The following CPQ variants were observed in gnomAD, a reference collection of about 807,000 sequenced individuals.
CPQ encodes the protein carboxypeptidase Q.
CPQ carries 37 observed loss-of-function variants against 45.7 expected under a neutral mutation model. The ratio of observed to expected loss-of-function variants is 0.81; its 90% CI spans 0.62 to 1.07. CPQ has a LOEUF of 1.07. Among genes scored for constraint, CPQ ranks in the 50% least tolerant of loss-of-function variants. CPQ has a pLI of 0.00. For missense variants in CPQ, 537 were observed against 572.9 expected (o/e 0.94, Z 0.64); for synonymous variants, 186 against 205.8 (o/e 0.90, Z 0.82).
At chr8:96,669,515 A>G (rs770072998) in intron 1 of CPQ, among the ~76,000 whole-genome samples, 2 of 152,230 alleles carry the variant, frequency 1.3e-5, no homozygotes, top group Non-Finnish European at 2.9e-5. Context: ...GTCTCATAAC[A>G]TAATATAAAT....
intron 2 of CPQ, among the ~76,000 whole-genome samples, chr8:96,813,823 G>A (rs1486683609): frequency 6.6e-6 from 1 of 152,072 alleles, no homozygotes; most frequent in Non-Finnish European, 1.5e-5. Flanking sequence ...GCCCTGGGTA[G>A]GGCAGAGCCT....
At chr8:96,943,833 C>G (rs1055863763) in intron 4 of CPQ, among the ~76,000 whole-genome samples, 19 of 152,216 alleles carry the variant, frequency 1.2e-4, no homozygotes, top group African/African-American at 4.3e-4. Context: ...TTCCAGGACT[C>G]TTATCGTCAC....
intron 2 of CPQ, among the ~76,000 whole-genome samples, chr8:96,790,270 C>A (rs935877425): frequency 6.6e-6 from 1 of 152,236 alleles, no homozygotes; most frequent in East Asian, 1.9e-4. Context: ...GTGGCACCTC[C>A]CAGTGTCACC....
intron 7 of CPQ, among the ~76,000 whole-genome samples, chr8:97,080,907 CCCTTCTTTCCTTCCTTCCTT>C (rs148825751): frequency 5.7e-5 from 8 of 139,646 alleles, no homozygotes; most frequent in African/African-American, 1.6e-4. Flanking sequence ...TTAGTACCCA[CCCTTCTTTCCTTCCTTCCTT>C]CCTTCTTTCC....
At chr8:96,950,345 T>C (rs1194130181) in intron 4 of CPQ, among the ~76,000 whole-genome samples, 1 of 152,266 alleles carries the variant, frequency 6.6e-6, no homozygotes, top group African/African-American at 2.4e-5. Flanking sequence ...TTCTGAATCA[T>C]ATTTTATTAC....
At chr8:97,118,739 T>C (rs1367435846) in intron 7 of CPQ, among the ~76,000 whole-genome samples, 1 of 152,142 alleles carries the variant, frequency 6.6e-6, no homozygotes, top group Non-Finnish European at 1.5e-5. Flanking sequence ...CATTGCCTGT[T>C]TTTCAAAGAA....
At chr8:96,994,982 CA>C (rs1333648692) in intron 5 of CPQ, among the ~76,000 whole-genome samples, 2 of 151,862 alleles carry the variant, frequency 1.3e-5, no homozygotes, top group African/African-American at 4.8e-5. Context: ...GGAGCCTAAA[CA>C]AGGCAATAGC....
At chr8:97,041,864 A>G (rs1342053124) in intron 6 of CPQ, among the ~76,000 whole-genome samples, 1 of 152,152 alleles carries the variant, frequency 6.6e-6, no homozygotes, top group Non-Finnish European at 1.5e-5. Flanking sequence ...AAGCTTTTTG[A>G]TGTGCTGCTG....
At chr8:96,805,204 A>C (rs915033217) in intron 2 of CPQ, among the ~76,000 whole-genome samples, 5 of 152,232 alleles carry the variant, frequency 3.3e-5, no homozygotes, top group Non-Finnish European at 5.9e-5. Flanking sequence ...ACAATTAGGA[A>C]AATAAAATTC....
At chr8:96,887,637 G>A (rs1812322053) in intron 4 of CPQ, among the ~76,000 whole-genome samples, 1 of 152,164 alleles carries the variant, frequency 6.6e-6, no homozygotes, top group South Asian at 2.1e-4. Context: ...GACTCTTGGG[G>A]CTGGCCCATT....
chr8:96,794,893 A>G (rs1182896626), intron 2 of CPQ, among the ~76,000 whole-genome samples: 17 of 152,234 alleles, frequency 1.1e-4, no homozygotes, highest in Non-Finnish European at 1.5e-5. Flanking sequence ...CCTCATCTCC[A>G]TCTGAGAACA....
chr8:96,949,688 T>G (rs556898691), intron 4 of CPQ, among the ~76,000 whole-genome samples: 220 of 152,256 alleles, frequency 1.4e-3, no homozygotes, highest in Middle Eastern at 3.4e-3. Flanking sequence ...GTTTTTAGCT[T>G]CTTCTTATTA....
chr8:96,768,845 C>G (rs1179406425), intron 1 of CPQ, among the ~76,000 whole-genome samples: 3 of 152,096 alleles, frequency 2.0e-5, no homozygotes, highest in Non-Finnish European at 4.4e-5. Context: ...GTGAGGAAAA[C>G]TGAAAGGCAT....
chr8:96,762,474 C>G lies in CPQ; in HGVS notation c.-34-22390C>G, dbSNP rs1563490594. Among the ~76,000 whole-genome samples the G allele has an allele frequency of 2.0e-5, 3 of 152,308 alleles. No homozygotes were observed. In the East Asian group the frequency reaches 5.8e-4, roughly 29 times the overall value. On this transcript the variant is annotated intron_variant, in intron 1 of 7. Coordinates refer to ENST00000220763, the MANE Select transcript of CPQ (RefSeq NM_016134.4). ...GCCTCTCAATAAAAGTTACTGGTTACTATTTTGGGCAGATCCAAACATTAT... is the reference window on the plus strand; with the variant it reads ...GCCTCTCAATAAAAGTTACTGGTTAGTATTTTGGGCAGATCCAAACATTAT...
At chr8:96,820,711 T>A (rs1235125193) in intron 2 of CPQ, among the ~76,000 whole-genome samples, 1 of 152,102 alleles carries the variant, frequency 6.6e-6, no homozygotes, top group Admixed American at 6.6e-5. Flanking sequence ...TTCATTCATC[T>A]GTTGATGGGT....
intron 7 of CPQ, among the ~76,000 whole-genome samples, chr8:97,114,238 G>A (rs1187269301): frequency 2.0e-5 from 3 of 152,236 alleles, no homozygotes; most frequent in African/African-American, 4.8e-5. Flanking sequence ...TAGTTGGCAC[G>A]TGGTTGGTGA....
chr8:97,042,944 G>A (rs1810158063), intron 6 of CPQ, among the ~76,000 whole-genome samples: 1 of 151,996 alleles, frequency 6.6e-6, no homozygotes. Context: ...GTGTGGTGCT[G>A]AAAAAAATGT....
intron 6 of CPQ, among the ~76,000 whole-genome samples, chr8:97,059,956 C>G (rs968200728): frequency 6.6e-6 from 1 of 152,126 alleles, no homozygotes; most frequent in Non-Finnish European, 1.5e-5. Flanking sequence ...TTTCTTTCCA[C>G]TTGATCTTGA....
intron 4 of CPQ, among the ~76,000 whole-genome samples, chr8:96,892,563 T>C (rs1302435540): frequency 2.0e-5 from 3 of 152,236 alleles, no homozygotes; most frequent in African/African-American, 4.8e-5. Flanking sequence ...AAATTCATTC[T>C]TTTTTTCTTT....
Sources: gnomAD v4.1 joint callset for allele counts (sites outside exome capture counted in the v4.1 genomes callset) on GRCh38, gnomAD v4.1.1 for gene constraint, MANE v1.5 for transcripts, NCBI Gene and HGNC (gene_info 2026-07-23, HGNC 2026-07-21) for gene names.